NKAIN3: variants seen among roughly 807,000 people sequenced by gnomAD.
The protein encoded by NKAIN3 is sodium/potassium-transporting ATPase subunit beta-1-interacting protein 3.
A neutral mutation model predicts 30.2 loss-of-function variants in NKAIN3; 25 were observed. The ratio of observed to expected loss-of-function variants is 0.83; its 90% CI spans 0.60 to 1.16. The LOEUF is 1.16. NKAIN3 is among the 50% of genes most tolerant of loss of function. NKAIN3 has a pLI of 0.00. For synonymous variants in NKAIN3, 91 were observed against 89.6 expected (o/e 1.02, Z -0.09); for missense variants, 225 against 254.1 (o/e 0.89, Z 0.78).
intron 1 of NKAIN3, among the ~76,000 whole-genome samples, chr8:62,338,081 T>C (rs1245767172): frequency 1.3e-5 from 2 of 152,076 alleles, no homozygotes; most frequent in East Asian, 3.9e-4. Context: ...CTGCCAATGA[T>C]GTGTCTGTTT....
chr8:62,626,124 C>A (rs1241072385), intron 3 of NKAIN3, among the ~76,000 whole-genome samples: 1 of 152,056 alleles, frequency 6.6e-6, no homozygotes, highest in African/African-American at 2.4e-5. Context: ...ACTCTCTCCT[C>A]ACTGGGGTGA....
At chr8:62,266,758 C>T (rs553867930) in intron 1 of NKAIN3, among the ~76,000 whole-genome samples, 1 of 152,120 alleles carries the variant, frequency 6.6e-6, no homozygotes, top group Non-Finnish European at 1.5e-5. Flanking sequence ...TGGCAACACC[C>T]GGAAGTTACT....
chr8:62,647,314 A>T (rs1450692735), intron 3 of NKAIN3, among the ~76,000 whole-genome samples: 4 of 152,210 alleles, frequency 2.6e-5, no homozygotes, highest in Non-Finnish European at 5.9e-5. Context: ...GCAGATGAAA[A>T]GCAAAGTGGC....
At chr8:62,913,330 C>T (rs1821981116) in intron 4 of NKAIN3, among the ~76,000 whole-genome samples, 1 of 152,186 alleles carries the variant, frequency 6.6e-6, no homozygotes, top group Admixed American at 6.5e-5. Context: ...AGCATTAGCA[C>T]AAATATGTGA....
At chr8:62,751,944 T>C (rs1181124658) in intron 4 of NKAIN3, among the ~76,000 whole-genome samples, 2 of 152,182 alleles carry the variant, frequency 1.3e-5, no homozygotes, top group African/African-American at 2.4e-5. Context: ...GTTTCTATTC[T>C]ATCTACTGGA....
intron 1 of NKAIN3, among the ~76,000 whole-genome samples, chr8:62,469,645 G>C (rs1421340536): frequency 6.6e-6 from 1 of 152,118 alleles, no homozygotes; most frequent in Non-Finnish European, 1.5e-5. Context: ...AGCTTTGCTT[G>C]GTACTGAGGA....
intron 4 of NKAIN3, among the ~76,000 whole-genome samples, chr8:62,759,730 A>AG (rs1816583353): frequency 1.4e-3 from 1 of 736 alleles, no homozygotes; most frequent in South Asian, 9.8e-3. Flanking sequence ...TGTCTAAAAC[A>AG]CCAAAGCAAT....
chr8:62,371,293 A>G (rs1271162085), intron 1 of NKAIN3, among the ~76,000 whole-genome samples: 1 of 151,896 alleles, frequency 6.6e-6, no homozygotes, highest in Non-Finnish European at 1.5e-5. Context: ...TTCAAGAACC[A>G]TCTACATAGA....
intron 3 of NKAIN3, among the ~76,000 whole-genome samples, chr8:62,730,651 T>C (rs2130543146): frequency 6.6e-6 from 1 of 152,258 alleles, no homozygotes; most frequent in East Asian, 1.9e-4. Flanking sequence ...TTCATTTGAA[T>C]TTGCGAGATT....
chr8:62,955,101 G>T (rs1248274078), intron 6 of NKAIN3, among the ~76,000 whole-genome samples: 1 of 152,188 alleles, frequency 6.6e-6, no homozygotes. Flanking sequence ...GAGGATTGAA[G>T]ATCTGAGAAG....
intron 3 of NKAIN3, among the ~76,000 whole-genome samples, chr8:62,630,047 C>A (rs1811907067): frequency 1.3e-5 from 2 of 152,028 alleles, no homozygotes; most frequent in African/African-American, 2.4e-5. Context: ...ACCACATTCA[C>A]ATGACTTTTA....
intron 1 of NKAIN3, among the ~76,000 whole-genome samples, chr8:62,427,465 A>G (rs78433344): frequency 0.031 from 4,745 of 152,014 alleles, 279 homozygotes; most frequent in African/African-American, 0.11. Context: ...ATTACACTTT[A>G]AAAAATGTTC....
At chr8:62,799,060 A>T (rs1373351035) in intron 4 of NKAIN3, among the ~76,000 whole-genome samples, 1 of 152,126 alleles carries the variant, frequency 6.6e-6, no homozygotes, top group Non-Finnish European at 1.5e-5. Flanking sequence ...TTGGAATTAG[A>T]GCTGGTTAAA....
intron 4 of NKAIN3, among the ~76,000 whole-genome samples, chr8:62,755,557 G>A (rs964018578): frequency 2.2e-4 from 33 of 150,950 alleles, no homozygotes; most frequent in Admixed American, 2.0e-3. Context: ...TCTTTTGCTT[G>A]CTAGCGCTTT....
chr8:62,272,304 T>C (rs1195994480), intron 1 of NKAIN3, among the ~76,000 whole-genome samples: 1 of 152,084 alleles, frequency 6.6e-6, no homozygotes. Context: ...TATCATAGTG[T>C]TGGGAGTATG....
intron 4 of NKAIN3, among the ~76,000 whole-genome samples, chr8:62,786,647 C>A (rs921604010): frequency 1.3e-5 from 2 of 152,116 alleles, no homozygotes; most frequent in African/African-American, 4.8e-5. Flanking sequence ...AAGCAGCCAG[C>A]AGTTTTGCAT....
rs146536569 is a variant in NKAIN3, at chr8:62,615,926, G to T, written c.273+26132G>T. 1.0e-3 allele frequency among the ~76,000 whole-genome samples: 159 copies of T among 152,172 alleles called. 1 individual carries two copies. Among genetic ancestry groups the T allele is most frequent in the African/African-American group, 3.4e-3 (142 of 41,510 alleles). ...TTTCAGCAATATTAAGTTGAAGCCA[G>T]GTGCTATGATTGCTCGCCTGATTTT... On this transcript the variant is annotated intron_variant, in intron 3 of 6. Coordinates refer to ENST00000623646, the MANE Select transcript of NKAIN3 (RefSeq NM_001304533.3).
chr8:62,555,737 T>C lies in NKAIN3; in HGVS notation c.55-23802T>C, dbSNP rs537277238. 4.6e-5 allele frequency among the ~76,000 whole-genome samples: 7 copies of C among 152,098 alleles called. No homozygotes were observed. The East Asian group carries it at 1.4e-3, about 29-fold the overall frequency. On this transcript the variant is annotated intron_variant, in intron 1 of 6. Transcript: ENST00000623646. The stretch of plus-strand genomic sequence containing the variant: ...ATCAAATTCCAGGAAGACTGCAAAT[T>C]ACCAAGAAAGATACATTTTTTAAAA...
chr8:62,631,035 A>G (rs531611824), intron 3 of NKAIN3, among the ~76,000 whole-genome samples: 1 of 152,232 alleles, frequency 6.6e-6, no homozygotes, highest in African/African-American at 2.4e-5. Context: ...TACTACCCAA[A>G]GAAAGGGACC....
Sources: allele counts gnomAD v4.1 joint callset (sites outside exome capture counted in the v4.1 genomes callset), GRCh38; gene constraint gnomAD v4.1.1; transcripts MANE v1.5; gene names NCBI Gene and HGNC (gene_info 2026-07-23, HGNC 2026-07-21).